CLCN3: variants seen among roughly 807,000 people sequenced by gnomAD.
The protein encoded by CLCN3 is H(+)/Cl(-) exchange transporter 3.
A neutral mutation model predicts 83.4 loss-of-function variants in CLCN3; 16 were observed. The observed-to-expected ratio is 0.19, with a 90% confidence interval of 0.13 to 0.29. The LOEUF (loss-of-function observed/expected upper bound fraction) is 0.29. Ranked by LOEUF, CLCN3 falls within the 10% of genes least tolerant of loss-of-function variation. CLCN3 has a pLI of 1.00. For synonymous variants in CLCN3, 322 were observed against 346.2 expected (o/e 0.93, Z 0.78); for missense variants, 544 against 1,006.0 (o/e 0.54, Z 6.21).
chr4:169,712,567 C>G (rs1733263464), intron 11 of CLCN3, among the ~76,000 whole-genome samples: 1 of 152,142 alleles, frequency 6.6e-6, no homozygotes, highest in East Asian at 1.9e-4. Flanking sequence ...GAAAATTATA[C>G]TTTAACATGA....
At chr4:169,717,221 A>G (rs767005848) in intron 12 of CLCN3, among the ~76,000 whole-genome samples, 1 of 152,200 alleles carries the variant, frequency 6.6e-6, no homozygotes, top group Non-Finnish European at 1.5e-5. Flanking sequence ...TGGCAGTCAC[A>G]GCTCCTGAAC....
intron 2 of CLCN3, among the ~76,000 whole-genome samples, chr4:169,642,205 A>T (rs1730434200): frequency 1.3e-5 from 2 of 152,046 alleles, no homozygotes; most frequent in African/African-American, 4.8e-5. Flanking sequence ...AAGTGGTGGG[A>T]TTATAAGTGT....
intron 1 of CLCN3, among the ~76,000 whole-genome samples, chr4:169,622,487 T>G (rs184009985): frequency 1.1e-3 from 160 of 152,338 alleles, no homozygotes; most frequent in African/African-American, 3.7e-3. Flanking sequence ...TATCGCTGTT[T>G]TGTAGAACTT....
chr4:169,651,481 T>G (rs1452207587), intron 2 of CLCN3, among the ~76,000 whole-genome samples: 1 of 152,180 alleles, frequency 6.6e-6, no homozygotes, highest in Non-Finnish European at 1.5e-5. Context: ...CAGGAGCCCC[T>G]CAGGTACCAA....
intron 1 of CLCN3, among the ~76,000 whole-genome samples, chr4:169,626,109 G>A (rs1773227413): frequency 6.6e-6 from 1 of 152,192 alleles, no homozygotes. Flanking sequence ...CTATAAATCA[G>A]GGATCCCATG....
At chr4:169,679,445 G>A (rs531276165) in intron 2 of CLCN3, among the ~76,000 whole-genome samples, 5 of 151,806 alleles carry the variant, frequency 3.3e-5, no homozygotes, top group African/African-American at 9.7e-5. Context: ...CATCCCAGAC[G>A]ATGGGCAGTC....
chr4:169,650,932 A>G (rs1730714611), intron 2 of CLCN3, among the ~76,000 whole-genome samples: 1 of 152,172 alleles, frequency 6.6e-6, no homozygotes, highest in Non-Finnish European at 1.5e-5. Flanking sequence ...ACAAACTCAT[A>G]CTAGGTTTAT....
chr4:169,681,860 A>G (rs957126070), intron 3 of CLCN3, among the ~76,000 whole-genome samples: 1 of 152,200 alleles, frequency 6.6e-6, no homozygotes, highest in Non-Finnish European at 1.5e-5. Flanking sequence ...GCTTAATAAA[A>G]CACTGCTGGA....
At chr4:169,632,894 G>C (rs1413272505) in intron 1 of CLCN3, among the ~76,000 whole-genome samples, 1 of 151,984 alleles carries the variant, frequency 6.6e-6, no homozygotes. Flanking sequence ...AAAAAAAACT[G>C]TGCTGGCTGC....
chr4:169,622,206 A>G (rs1773127821), intron 1 of CLCN3, among the ~76,000 whole-genome samples: 1 of 152,216 alleles, frequency 6.6e-6, no homozygotes, highest in Non-Finnish European at 1.5e-5. Context: ...TTACTTGGAA[A>G]TTGTACTTCA....
chr4:169,692,074 T>C (rs1216266462), intron 6 of CLCN3, 40 bp from the exon 7 acceptor site: 2 of 1,251,484 alleles, frequency 1.6e-6, no homozygotes, highest in African/African-American at 1.5e-5. Flanking sequence ...TTCTCATGTT[T>C]CTTAAAGGAC....
At position 169,722,276 on chromosome 4, in the gene CLCN3, T is replaced by G. The variant is rs927612305; in HGVS notation, c.*2279T>G. The G allele has an allele frequency of 2.6e-5, 4 of 152,248 alleles. No homozygotes were observed. The highest frequency in any genetic ancestry group is 9.6e-5 in the African/African-American group (4 of 41,462). The allele number at this position is 152,248 out of a possible 1,614,324, so 9.4% of individuals were successfully genotyped here. A position where few individuals can be genotyped will look rare whatever the true frequency, so the allele number is the denominator to read the frequency against. ...GCCATATAAGAATGAGGATTGAAAG[T>G]TGAGCAAAATTTTCGGGATTTTGGG... On this transcript the variant is annotated 3_prime_UTR_variant, in exon 13 of 13. Coordinates refer to ENST00000513761, the MANE Select transcript of CLCN3 (RefSeq NM_001829.4).
At chr4:169,660,541 T>A in intron 2 of CLCN3, 2 of 832,316 alleles carry the variant, frequency 2.4e-6, no homozygotes, top group Non-Finnish European at 3.3e-6. Context: ...GTTTGTCCTT[T>A]AAATACTGCA....
At chr4:169,667,993 C>T (rs1321665126) in intron 2 of CLCN3, among the ~76,000 whole-genome samples, 2 of 151,292 alleles carry the variant, frequency 1.3e-5, no homozygotes, top group Non-Finnish European at 2.9e-5. Flanking sequence ...CCTGCCTCAG[C>T]CTCCCAAAGT....
At chr4:169,675,978 T>C (rs1194848313) in intron 2 of CLCN3, among the ~76,000 whole-genome samples, 5 of 152,232 alleles carry the variant, frequency 3.3e-5, no homozygotes, top group Non-Finnish European at 5.9e-5. Context: ...CATATATGTA[T>C]ACCTGTAAGT....
At chr4:169,719,240 G>GT (rs1367827108) in intron 12 of CLCN3, among the ~76,000 whole-genome samples, 1 of 152,218 alleles carries the variant, frequency 6.6e-6, no homozygotes, top group Non-Finnish European at 1.5e-5. Flanking sequence ...GCCGGGACGG[G>GT]TGGATCACAA....
intron 9 of CLCN3, 138 bp downstream of exon 9, chr4:169,697,872 A>C (rs112236601): frequency 1.5e-6 from 1 of 656,608 alleles, no homozygotes; most frequent in African/African-American, 1.8e-5. Flanking sequence ...AATGAAAAAG[A>C]TAATTCCTTA....
At position 169,704,071 on chromosome 4, in the gene CLCN3, A is replaced by G; in HGVS notation, c.1637A>G (p.Glu546Gly). The change falls in exon 10 of 13, where the codon GAG becomes GGG. Residue 546 changes from glutamate (E) to glycine (G), a missense_variant. Transcript: ENST00000513761. ...IAGRIVGIAV[E>G]QLAYYHHDWF... is the part of the protein sequence containing the mutation. ...GGAAGGATTGTGGGGATTGCGGTGGAGCAGCTTGCCTACTATCACCACGAC... is the reference window on the plus strand; with the variant it reads ...GGAAGGATTGTGGGGATTGCGGTGGGGCAGCTTGCCTACTATCACCACGAC... 1.2e-6 allele frequency: 2 copies of G among 1,613,996 alleles called. No homozygotes were observed. The highest frequency in any genetic ancestry group is 1.7e-6 in the Non-Finnish European group (2 of 1,179,976).
intron 9 of CLCN3, 54 bp from the exon 10 acceptor site, chr4:169,703,944 C>A: frequency 6.6e-7 from 1 of 1,517,714 alleles, no homozygotes; most frequent in South Asian, 1.1e-5. Context: ...ATGTAAGTTT[C>A]AGGCATGTGA....
Sources: allele counts gnomAD v4.1 joint callset (sites outside exome capture counted in the v4.1 genomes callset), GRCh38; gene constraint gnomAD v4.1.1; transcripts MANE v1.5; gene names NCBI Gene and HGNC (gene_info 2026-07-23, HGNC 2026-07-21).